Variants in CYP39A1 observed in about 807,000 individuals in gnomAD.
CYP39A1 encodes 24-hydroxycholesterol 7-alpha-hydroxylase.
A neutral mutation model predicts 58.1 loss-of-function variants in CYP39A1; 49 were observed. The observed-to-expected ratio is 0.84, with a 90% CI of 0.67 to 1.07. The LOEUF (loss-of-function observed/expected upper bound fraction) is 1.07, where lower values mean the gene tolerates loss of function less well. CYP39A1 is among the 50% of genes least tolerant of loss of function. The probability of loss-of-function intolerance (pLI) is 0.00; values close to 1 mark genes in which losing one functional copy is unlikely to be tolerated. For synonymous variants in CYP39A1, 209 were observed against 187.6 expected (o/e 1.11, Z -0.93); for missense variants, 531 against 539.4 (o/e 0.98, Z 0.16).
At chr6:46,569,305 A>G in intron 10 of CYP39A1, among the ~76,000 whole-genome samples, 1 of 152,126 alleles carries the variant, frequency 6.6e-6, no homozygotes, top group East Asian at 1.9e-4. Flanking sequence ...ATATAAGATC[A>G]TATCATCTGT....
At chr6:46,629,327 T>C (rs1775510149) in intron 6 of CYP39A1, among the ~76,000 whole-genome samples, 1 of 152,182 alleles carries the variant, frequency 6.6e-6, no homozygotes, top group Non-Finnish European at 1.5e-5. Flanking sequence ...TATTGAAAAA[T>C]AATTCTTTGA....
chr6:46,578,044 A>G (rs766755559), intron 10 of CYP39A1, among the ~76,000 whole-genome samples: 32 of 152,098 alleles, frequency 2.1e-4, no homozygotes, highest in Non-Finnish European at 3.8e-4. Flanking sequence ...GCAATACTCA[A>G]CAAATTCAAA....
At chr6:46,616,161 T>TC (rs1295240997) in intron 7 of CYP39A1, among the ~76,000 whole-genome samples, 8 of 538 alleles carry the variant, frequency 0.015, no homozygotes, top group African/African-American at 0.022. Flanking sequence ...TCTTTCTTTC[T>TC]TTTTTCTTTC....
intron 6 of CYP39A1, among the ~76,000 whole-genome samples, chr6:46,629,027 T>TG (rs1226994479): frequency 6.6e-6 from 1 of 152,180 alleles, no homozygotes; most frequent in African/African-American, 2.4e-5. Flanking sequence ...CACTGAGGCT[T>TG]GGGCAGGTTA....
chr6:46,639,792 C>T (rs1582459653), intron 2 of CYP39A1, 124 bp from the exon 3 acceptor site: 1 of 706,974 alleles, frequency 1.4e-6, no homozygotes, highest in East Asian at 2.7e-5. Context: ...CATAAGGTCA[C>T]CTCCCATAAA....
chr6:46,616,200 C>A (rs1416832954), intron 7 of CYP39A1, among the ~76,000 whole-genome samples: 41 of 1,074 alleles, frequency 0.038, 1 homozygote, highest in South Asian at 0.062. Flanking sequence ...CTTTCCCTCC[C>A]TCCCTCCCTC....
intron 7 of CYP39A1, among the ~76,000 whole-genome samples, chr6:46,605,274 G>C (rs1174457424): frequency 1.3e-5 from 2 of 152,184 alleles, no homozygotes; most frequent in African/African-American, 4.8e-5. Flanking sequence ...TGCACAGGAA[G>C]TGAAAGGCAA....
At chr6:46,645,417 C>A (rs570641034) in intron 1 of CYP39A1, among the ~76,000 whole-genome samples, 17 of 152,168 alleles carry the variant, frequency 1.1e-4, no homozygotes, top group Non-Finnish European at 2.2e-4. Flanking sequence ...TGCTCCATCA[C>A]CATTTGTTTA....
Position 46,596,106 on chromosome 6 carries a change from T to A in CYP39A1, c.946A>T (p.Lys316Ter), listed in dbSNP as rs754869487. 1 of 1,601,098 alleles carries A rather than the reference T, an allele frequency of 6.2e-7. No homozygotes were observed. Among genetic ancestry groups the A allele is most frequent in the Non-Finnish European group, 8.5e-7 (1 of 1,175,614 alleles). Reference sequence around the variant, plus strand: ...TTCTCCAGGTCATCCTCAGACACTTTAATCTTATCTTTGCCTGTAAAAAAA... The same window carrying A: ...TTCTCCAGGTCATCCTCAGACACTTAAATCTTATCTTTGCCTGTAAAAAAA... Reference protein sequence around the residue: ...VFGKAGKDKIKVSEDDLENLL... With the variant: ...VFGKAGKDKI The change falls in exon 8 of 12, where the codon AAA (lysine) becomes TAA (stop). Residue 316 changes from lysine to a stop codon, truncating the protein, a stop_gained. Transcript: ENST00000275016. LOFTEE classifies it high-confidence loss of function.
intron 7 of CYP39A1, among the ~76,000 whole-genome samples, chr6:46,607,028 T>TA (rs1356958094): frequency 6.6e-6 from 1 of 152,160 alleles, no homozygotes. Flanking sequence ...TCAGAGAGGT[T>TA]AAAATGTTCA....
At chr6:46,645,607 C>T (rs1762273840) in intron 1 of CYP39A1, among the ~76,000 whole-genome samples, 1 of 152,036 alleles carries the variant, frequency 6.6e-6, no homozygotes, top group Non-Finnish European at 1.5e-5. Context: ...GGAATGATTC[C>T]TCTCATTCTA....
Position 46,550,286 on chromosome 6 carries a change from A to C in CYP39A1, c.*80T>G. The C allele has an allele frequency of 1.4e-5, 15 of 1,073,458 alleles. No individual in the cohort carries two copies. The highest frequency in any genetic ancestry group is 1.8e-5 in the Non-Finnish European group (13 of 722,716). The allele number at this position is 1,073,458 out of a possible 1,614,324, so 66.5% of individuals were successfully genotyped here. ...ACAAAGTGAAGCAGTGTGTTTTTGT[A>C]GAGCTCAGGTCTAGGTGCTGCCAGG... On this transcript the variant is annotated 3_prime_UTR_variant, in exon 12 of 12. Transcript: ENST00000275016.
intron 2 of CYP39A1, among the ~76,000 whole-genome samples, chr6:46,640,733 T>C (rs1469745621): frequency 6.6e-6 from 1 of 152,214 alleles, no homozygotes; most frequent in East Asian, 1.9e-4. Flanking sequence ...ATGAGCACAG[T>C]ACTCAATAGT....
intron 11 of CYP39A1, 69 bp downstream of exon 11, chr6:46,553,698 G>A: frequency 1.0e-6 from 1 of 999,214 alleles, no homozygotes; most frequent in Non-Finnish European, 1.6e-6. Flanking sequence ...AATCAAAATT[G>A]GGGGAAGTGG....
rs76397223 is a variant in CYP39A1, at chr6:46,617,322, G to A, written c.931+8096C>T. ...TTAAATCATATTCAGTGTTATAAAT[G>A]TTAATACATAGCAGAAACAAAATGC... On this transcript the variant is annotated intron_variant, in intron 7 of 11. Coordinates refer to ENST00000275016, the MANE Select transcript of CYP39A1 (RefSeq NM_016593.5). Among the ~76,000 whole-genome samples, 314 of 152,254 alleles carry A rather than the reference G, an allele frequency of 2.1e-3. 2 individuals carry two copies. The highest frequency in any genetic ancestry group is 7.4e-3 in the African/African-American group (308 of 41,556).
At chr6:46,584,384 A>G (rs1772333782) in intron 10 of CYP39A1, among the ~76,000 whole-genome samples, 1 of 152,022 alleles carries the variant, frequency 6.6e-6, no homozygotes, top group African/African-American at 2.4e-5. Flanking sequence ...CTCATTCCTG[A>G]TTTCTGTATT....
chr6:46,574,737 T>G (rs540561058), intron 10 of CYP39A1, among the ~76,000 whole-genome samples: 32 of 152,038 alleles, frequency 2.1e-4, no homozygotes, highest in African/African-American at 7.2e-4. Flanking sequence ...TGGAGATCTA[T>G]TTTGTAAATA....
chr6:46,629,105 A>G (rs1026776677), intron 6 of CYP39A1, among the ~76,000 whole-genome samples: 2 of 152,150 alleles, frequency 1.3e-5, no homozygotes, highest in African/African-American at 4.8e-5. Flanking sequence ...CCTCTCCAGG[A>G]TCTCTGCCTG....
At chr6:46,578,345 C>T in intron 10 of CYP39A1, among the ~76,000 whole-genome samples, 1 of 152,012 alleles carries the variant, frequency 6.6e-6, no homozygotes, top group Non-Finnish European at 1.5e-5. Flanking sequence ...AATTAACAAT[C>T]TAATATCACC....
Sources: allele counts gnomAD v4.1 joint callset (sites outside exome capture counted in the v4.1 genomes callset), GRCh38; gene constraint gnomAD v4.1.1; transcripts MANE v1.5; gene names NCBI Gene and HGNC (gene_info 2026-07-23, HGNC 2026-07-21).